Variants in AATF observed in about 807,000 individuals in gnomAD.
The protein encoded by AATF is protein AATF.
In AATF, 48 loss-of-function variants were observed where a neutral mutation model predicts 63.7. That is an observed-to-expected ratio of 0.75 (90% CI 0.60 to 0.96). The LOEUF (loss-of-function observed/expected upper bound fraction) is 0.96. Among genes scored for constraint, AATF ranks in the 40% least tolerant of loss-of-function variants. The pLI is 0.00. For missense variants in AATF, 639 were observed against 685.7 expected, an observed-to-expected ratio of 0.93 and a Z score of 0.76; for synonymous variants, 258 against 247.7, an observed-to-expected ratio of 1.04 and a Z score of -0.39.
intron 5 of AATF, 68 bp downstream of exon 5, chr17:36,986,799 A>C: frequency 7.6e-7 from 1 of 1,313,352 alleles, no homozygotes; most frequent in Non-Finnish European, 1.1e-6. Context: ...CATTTATGAA[A>C]GAAAAGCTAA....
At chr17:37,041,546 C>T (rs914073868) in intron 11 of AATF, among the ~76,000 whole-genome samples, 1 of 152,130 alleles carries the variant, frequency 6.6e-6, no homozygotes, top group African/African-American at 2.4e-5. Flanking sequence ...TGCCCTGTCG[C>T]CCAGGCTGAA....
chr17:37,042,557 G>A (rs2071649596), intron 11 of AATF, among the ~76,000 whole-genome samples: 1 of 150,516 alleles, frequency 6.6e-6, no homozygotes, highest in African/African-American at 2.4e-5. Flanking sequence ...TGGGACTACA[G>A]GCACACACTA....
chr17:37,006,487 T>C (rs1480212681), intron 8 of AATF, among the ~76,000 whole-genome samples: 2 of 152,178 alleles, frequency 1.3e-5, no homozygotes, highest in Non-Finnish European at 1.5e-5. Flanking sequence ...AAGAATTGCA[T>C]AAGTCAGTCA....
At chr17:36,960,942 A>G (rs2070942220) in intron 4 of AATF, among the ~76,000 whole-genome samples, 1 of 152,222 alleles carries the variant, frequency 6.6e-6, no homozygotes. Context: ...ACATAGAAGC[A>G]TAAAGAAGAA....
At position 36,953,685 on chromosome 17, in the gene AATF, G is replaced by C. The variant is rs138847252; in HGVS notation, c.695-85G>C. The C allele has an allele frequency of 3.4e-3, 4,402 of 1,304,944 alleles. 120 individuals carry two copies. In the African/African-American group the frequency reaches 0.057, roughly 17 times the overall value. 80.8% of individuals were successfully genotyped at this position (1,304,944 alleles called of 1,614,324 possible). On this transcript the variant is annotated intron_variant, in intron 3 of 11. Coordinates refer to ENST00000619387, the MANE Select transcript of AATF (RefSeq NM_012138.4). ...AGCTGTGGTGCTTAGAGACTGGTGTGGTTTCCTGTTCTTCCCCACCCCTGC... is the reference window on the plus strand; with the variant it reads ...AGCTGTGGTGCTTAGAGACTGGTGTCGTTTCCTGTTCTTCCCCACCCCTGC...
intron 2 of AATF, among the ~76,000 whole-genome samples, 179 bp downstream of exon 2, chr17:36,950,584 C>G (rs2070847482): frequency 6.6e-6 from 1 of 152,158 alleles, no homozygotes; most frequent in Non-Finnish European, 1.5e-5. Context: ...ACCGCAACCT[C>G]CACCTCTGGA....
chr17:36,997,137 C>T (rs1421086757), intron 8 of AATF, among the ~76,000 whole-genome samples: 1 of 152,126 alleles, frequency 6.6e-6, no homozygotes, highest in Non-Finnish European at 1.5e-5. Flanking sequence ...ATTTTAGTAG[C>T]CTCAAGTATA....
chr17:36,970,756 G>A (rs1191305920), intron 4 of AATF, among the ~76,000 whole-genome samples: 1 of 151,620 alleles, frequency 6.6e-6, no homozygotes, highest in African/African-American at 2.4e-5. Flanking sequence ...TTCCCAGGCT[G>A]GTCTCGAACT....
chr17:37,048,001 GAAAT>G (rs1428566161), intron 11 of AATF, among the ~76,000 whole-genome samples: 1 of 152,232 alleles, frequency 6.6e-6, no homozygotes, highest in Non-Finnish European at 1.5e-5. Flanking sequence ...ATCCTGTTAA[GAAAT>G]AAGTCTTAGC....
At chr17:36,981,081 A>G (rs1042928836) in intron 4 of AATF, among the ~76,000 whole-genome samples, 4 of 152,096 alleles carry the variant, frequency 2.6e-5, no homozygotes, top group African/African-American at 9.7e-5. Context: ...ATTAACAGAA[A>G]GGCACACTTT....
chr17:36,989,682 T>G (rs952920125), intron 7 of AATF, among the ~76,000 whole-genome samples: 1 of 152,188 alleles, frequency 6.6e-6, no homozygotes, highest in Non-Finnish European at 1.5e-5. Flanking sequence ...AATCCAATTT[T>G]CAAAATTCAG....
In AATF at chr17:36,986,849, C is replaced by T. The variant is rs578090965; in HGVS notation, c.947+118C>T. The T allele has an allele frequency of 9.9e-6, 8 of 806,836 alleles. No individual in the cohort carries two copies. In the South Asian group the frequency reaches 1.4e-4, roughly 14 times the overall value. 50.0% of individuals were successfully genotyped at this position (806,836 alleles called of 1,614,324 possible). On this transcript the variant is annotated intron_variant, in intron 5 of 11. Transcript: ENST00000619387. ...GATATTAATGTTAGTAAAATAGAGT[C>T]TCATATTTACCTGATGGTCAGGATG...
intron 4 of AATF, among the ~76,000 whole-genome samples, chr17:36,972,945 AG>A (rs1490479778): frequency 6.6e-6 from 1 of 152,118 alleles, no homozygotes; most frequent in Admixed American, 6.5e-5. Flanking sequence ...AATCAATGCA[AG>A]TCAGAACTTG....
chr17:36,988,761 G>T (rs367791507), intron 6 of AATF, 41 bp downstream of exon 6: 1 of 1,581,216 alleles, frequency 6.3e-7, no homozygotes, highest in East Asian at 2.2e-5. Flanking sequence ...AAGATAGGTT[G>T]TGGCAACTTG....
chr17:37,003,043 A>G (rs187165135), intron 8 of AATF, among the ~76,000 whole-genome samples: 2 of 152,212 alleles, frequency 1.3e-5, no homozygotes, highest in African/African-American at 4.8e-5. Flanking sequence ...TCCAGTTTCA[A>G]AACTTACCAC....
intron 4 of AATF, among the ~76,000 whole-genome samples, chr17:36,960,805 T>C (rs947606741): frequency 6.6e-6 from 1 of 152,226 alleles, no homozygotes; most frequent in African/African-American, 2.4e-5. Context: ...TGCTGCAGAC[T>C]TCATCTAGCC....
intron 10 of AATF, among the ~76,000 whole-genome samples, chr17:37,029,427 A>C (rs1236685377): frequency 6.6e-6 from 1 of 151,928 alleles, no homozygotes; most frequent in African/African-American, 2.4e-5. Context: ...TATTTTTAGT[A>C]GAGAGAGGGT....
intron 8 of AATF, among the ~76,000 whole-genome samples, chr17:36,991,587 CTTT>C (rs34166182): frequency 1.4e-5 from 2 of 138,564 alleles, no homozygotes; most frequent in Non-Finnish European, 1.6e-5. Context: ...ATAAGTTATA[CTTT>C]TTTTTTTTTT....
In AATF at chr17:36,989,371, C is replaced by T. The variant is rs1262874546; in HGVS notation, c.1274C>T (p.Pro425Leu). The T allele has an allele frequency of 6.2e-7, 1 of 1,613,862 alleles. No homozygotes were observed. Among genetic ancestry groups the T allele is most frequent in the Admixed American group, 1.7e-5 (1 of 60,012 alleles). ...SVYRVLGKPE[P>L]AAQPVPESLP... ...TATCGAGTTCTTGGCAAACCTGAGC[C>T]AGCAGCTCAGCCTGTCCCAGAGAGT... is the stretch of plus-strand genomic sequence containing the variant. Residue 425 changes from proline to leucine, a missense_variant, in exon 7 of 12, where the codon CCA becomes CTA. Coordinates refer to ENST00000619387, the MANE Select transcript of AATF (RefSeq NM_012138.4).
Sources: allele counts gnomAD v4.1 joint callset (sites outside exome capture counted in the v4.1 genomes callset), GRCh38; gene constraint gnomAD v4.1.1; transcripts MANE v1.5; gene names NCBI Gene and HGNC (gene_info 2026-07-23, HGNC 2026-07-21).